TAS2R1: variants seen among roughly 807,000 people sequenced by gnomAD.
The protein encoded by TAS2R1 is taste receptor type 2 member 1.
For missense variants in TAS2R1, 370 were observed against 353.4 expected, an observed-to-expected ratio of 1.05 and a Z score of -0.38; for synonymous variants, 141 against 134.2, an observed-to-expected ratio of 1.05 and a Z score of -0.35.
chr5:9,772,844 G>T, the TAS2R1 span, among the ~76,000 whole-genome samples: 1 of 151,938 alleles, frequency 6.6e-6, no homozygotes, highest in African/African-American at 2.4e-5. Context: ...TACTTGCATG[G>T]AATATCTTTT....
At chr5:9,850,738 C>A in the TAS2R1 span, among the ~76,000 whole-genome samples, 1 of 152,152 alleles carries the variant, frequency 6.6e-6, no homozygotes. Flanking sequence ...GTAAGTATGC[C>A]GGGGAGCAAG....
At chr5:9,824,156 C>CAA in the TAS2R1 span, among the ~76,000 whole-genome samples, 1 of 152,234 alleles carries the variant, frequency 6.6e-6, no homozygotes, top group African/African-American at 2.4e-5. Context: ...CACCAGCTTT[C>CAA]CGTCTTCTGC....
At chr5:9,890,716 T>C in the TAS2R1 span, among the ~76,000 whole-genome samples, 1 of 152,262 alleles carries the variant, frequency 6.6e-6, no homozygotes, top group Non-Finnish European at 1.5e-5. Flanking sequence ...GGCCTCACTT[T>C]ACATTATTTG....
chr5:9,849,019 T>G, the TAS2R1 span, among the ~76,000 whole-genome samples: 16 of 152,240 alleles, frequency 1.1e-4, no homozygotes. Flanking sequence ...CCAATCAATG[T>G]TGGTCTTGGA....
rs1203574536 is a variant in TAS2R1 at position 9,648,020 on chromosome 5, T to C, written c.-81+11401A>G. Among the ~76,000 whole-genome samples the C allele has an allele frequency of 2.6e-5, 4 of 152,172 alleles. No individual in the cohort carries two copies. The East Asian group carries it at 7.7e-4, about 29-fold the overall frequency. On this transcript the variant is annotated intron_variant, in intron 2 of 2. Coordinates refer to the TAS2R1 transcript ENST00000506620. ...AGAATTCACATAACCATGAAAAAAG[T>C]ACTTTTGGCCATAAAACAGGATGAG...
At chr5:9,835,252 G>A in the TAS2R1 span, among the ~76,000 whole-genome samples, 1 of 152,218 alleles carries the variant, frequency 6.6e-6, no homozygotes, top group Non-Finnish European at 1.5e-5. Context: ...CTGGCAACAG[G>A]AGAACAGCAG....
chr5:9,730,534 G>C, the TAS2R1 span, among the ~76,000 whole-genome samples: 1 of 152,166 alleles, frequency 6.6e-6, no homozygotes, highest in Non-Finnish European at 1.5e-5. Context: ...CTGGGGCATC[G>C]CATGTCCCAG....
chr5:9,831,642 A>G, the TAS2R1 span, among the ~76,000 whole-genome samples: 4 of 150,606 alleles, frequency 2.7e-5, no homozygotes, highest in East Asian at 7.8e-4. Context: ...AAATCGTAAC[A>G]TATTAGTTTT....
the TAS2R1 span, among the ~76,000 whole-genome samples, chr5:9,722,097 T>A: frequency 6.6e-6 from 1 of 152,220 alleles, no homozygotes; most frequent in Non-Finnish European, 1.5e-5. Context: ...TGCCATTTTG[T>A]AAACCTAAGG....
At chr5:9,655,706 AT>A in intron 2 of TAS2R1, among the ~76,000 whole-genome samples, 1 of 152,128 alleles carries the variant, frequency 6.6e-6, no homozygotes, top group Non-Finnish European at 1.5e-5. Flanking sequence ...AGCAGGCAAA[AT>A]ATAGGAATAA....
the TAS2R1 span, among the ~76,000 whole-genome samples, chr5:9,892,660 T>G: frequency 6.6e-6 from 1 of 152,240 alleles, no homozygotes; most frequent in Middle Eastern, 3.4e-3. Context: ...CTTGATTCCC[T>G]GCACTTGACC....
the TAS2R1 span, among the ~76,000 whole-genome samples, chr5:9,840,968 G>A: frequency 4.0e-5 from 6 of 149,000 alleles, no homozygotes; most frequent in East Asian, 2.0e-4. Flanking sequence ...TCTGCCTCCC[G>A]GTTTCACGCC....
At chr5:9,761,040 C>A in the TAS2R1 span, 1 of 152,120 alleles carries the variant, frequency 6.6e-6, no homozygotes, top group Non-Finnish European at 1.5e-5. Flanking sequence ...ATGCAGAAAA[C>A]CCCCTAAGAA....
intron 2 of TAS2R1, chr5:9,641,385 A>C (rs1363318825): frequency 6.6e-6 from 1 of 152,234 alleles, no homozygotes; most frequent in South Asian, 2.1e-4. Flanking sequence ...GTAAAAATTC[A>C]TAAGGCTTGT....
chr5:9,739,778 C>T, the TAS2R1 span, among the ~76,000 whole-genome samples: 1 of 152,194 alleles, frequency 6.6e-6, no homozygotes, highest in South Asian at 2.1e-4. Flanking sequence ...CAACTCAGAA[C>T]ACAGGAGTAC....
intron 1 of TAS2R1, among the ~76,000 whole-genome samples, chr5:9,663,071 A>G (rs1273760266): frequency 6.6e-6 from 1 of 152,208 alleles, no homozygotes; most frequent in African/African-American, 2.4e-5. Context: ...TCTTTAGTCA[A>G]TACAATTCTA....
chr5:9,736,471 C>A, the TAS2R1 span, among the ~76,000 whole-genome samples: 1 of 152,220 alleles, frequency 6.6e-6, no homozygotes, highest in African/African-American at 2.4e-5. Context: ...AACATCCCAG[C>A]TCCCTCACCC....
chr5:9,803,116 C>T, the TAS2R1 span, among the ~76,000 whole-genome samples: 3 of 152,080 alleles, frequency 2.0e-5, no homozygotes, highest in African/African-American at 7.2e-5. Context: ...AAAGTCTAAG[C>T]AATAGAATTG....
the TAS2R1 span, among the ~76,000 whole-genome samples, chr5:9,760,718 T>C: frequency 6.6e-6 from 1 of 152,198 alleles, no homozygotes; most frequent in East Asian, 1.9e-4. Context: ...CATACCAAGA[T>C]GTCAGTAGCT....
Sources: gnomAD v4.1 joint callset for allele counts (sites outside exome capture counted in the v4.1 genomes callset) on GRCh38, gnomAD v4.1.1 for gene constraint, MANE v1.5 for transcripts, NCBI Gene and HGNC (gene_info 2026-07-23, HGNC 2026-07-21) for gene names.